Variants in C12orf76 observed in about 807,000 individuals in gnomAD.
C12orf76 encodes the protein uncharacterized protein C12orf76.
Under a neutral mutation model 6.8 loss-of-function variants are expected in C12orf76, and 6 were observed. The observed-to-expected ratio is 0.88, with a 90% CI of 0.48 to 1.73. The LOEUF (loss-of-function observed/expected upper bound fraction) is 1.73, where lower values mean the gene tolerates loss of function less well. Ranked by LOEUF, C12orf76 falls within the 40% of genes most tolerant of loss-of-function variation. The pLI is 0.01. For missense variants in C12orf76, 99 were observed against 98.2 expected (o/e 1.01, Z -0.03); for synonymous variants, 56 against 43.7 (o/e 1.28, Z -1.11).
At chr12:110,056,072 C>CAA (rs112482731) in intron 4 of C12orf76, among the ~76,000 whole-genome samples, 5 of 81,610 alleles carry the variant, frequency 6.1e-5, no homozygotes, top group Admixed American at 1.4e-4. Context: ...GACTCTATCT[C>CAA]AAAAAAAAAA....
At chr12:110,050,896 C>A (rs1160548438), upstream of C12orf76, 1 of 634,164 alleles carries the variant, frequency 1.6e-6, no homozygotes, top group Non-Finnish European at 2.9e-6. Flanking sequence ...TTTCCTGTAA[C>A]GTATTTCTGG....
At chr12:110,053,570 G>A (rs1892619943), upstream of C12orf76, among the ~76,000 whole-genome samples, 2 of 152,320 alleles carry the variant, frequency 1.3e-5, no homozygotes, top group African/African-American at 4.8e-5. Flanking sequence ...GGAGGCTCCT[G>A]AAAAGATAGC....
chr12:110,046,579 G>A (rs117145074), intron 1 of C12orf76, among the ~76,000 whole-genome samples: 1 of 152,328 alleles, frequency 6.6e-6, no homozygotes, highest in East Asian at 1.9e-4. Context: ...CCCTTCATCT[G>A]CAAAGCATTC....
chr12:110,057,737 G>C (rs1431797907), intron 3 of C12orf76, among the ~76,000 whole-genome samples: 1 of 151,884 alleles, frequency 6.6e-6, no homozygotes, highest in Non-Finnish European at 1.5e-5. Flanking sequence ...AGTCTAACAG[G>C]GTAAAAATCA....
At chr12:110,059,157 T>C (rs749708653) in exon 3 of C12orf76, 10 of 1,545,630 alleles carry the variant, frequency 6.5e-6, no homozygotes, top group African/African-American at 1.4e-5. Context: ...TTTTCAAATG[T>C]TCCTTGCTGG....
chr12:110,067,567 T>C, exon 1 of C12orf76: 1 of 985,558 alleles, frequency 1.0e-6, no homozygotes, highest in South Asian at 4.7e-5. Flanking sequence ...TGTGGTTCAG[T>C]AGGGCTCACA....
At chr12:110,064,142 G>A (rs191908907) in intron 2 of C12orf76, among the ~76,000 whole-genome samples, 43 of 152,284 alleles carry the variant, frequency 2.8e-4, no homozygotes, top group African/African-American at 9.9e-4. Flanking sequence ...TTAAGGCATG[G>A]GGTCCAGGGA....
chr12:110,050,961 A>G (rs1892564246), upstream of C12orf76: 1 of 728,078 alleles, frequency 1.4e-6, no homozygotes, highest in African/African-American at 1.7e-5. Flanking sequence ...ACCTTTGGGT[A>G]AGTGTTGGGG....
chr12:110,060,776 C>T (rs756425989), intron 2 of C12orf76, among the ~76,000 whole-genome samples: 63 of 152,130 alleles, frequency 4.1e-4, no homozygotes, highest in Non-Finnish European at 7.8e-4. Context: ...TGGTTCATGC[C>T]TGAAATCCCA....
upstream of C12orf76, among the ~76,000 whole-genome samples, chr12:110,068,855 C>T (rs1033346416): frequency 6.6e-6 from 1 of 152,200 alleles, no homozygotes; most frequent in African/African-American, 2.4e-5. Flanking sequence ...ACCAGTACTA[C>T]TTGGTGCAAA....
At chr12:110,073,593 C>T in exon 1 of C12orf76, 1 of 465,670 alleles carries the variant, frequency 2.1e-6, no homozygotes, top group African/African-American at 2.0e-5. Flanking sequence ...TCAACTCTCC[C>T]AGATGGGGCC....
At chr12:110,055,497 G>A (rs762113666) in intron 4 of C12orf76, among the ~76,000 whole-genome samples, 46 of 152,172 alleles carry the variant, frequency 3.0e-4, no homozygotes, top group Non-Finnish European at 5.4e-4. Flanking sequence ...GTGAGTCACC[G>A]TGCCTGGCAG....
In C12orf76 at chr12:110,042,736, G is replaced by T. The variant is rs909706261; in HGVS notation, c.134-277C>A. On this transcript the variant is annotated intron_variant, in intron 1 of 1. Coordinates refer to ENST00000615315, the MANE Select transcript of C12orf76 (RefSeq NM_001389625.1). ...GGGTGGGCAGCAAGAAGGGGGGACA[G>T]TCAGGAAGCATCCGAGGAGGAGACT... 379 of 624,500 alleles carry T rather than the reference G, an allele frequency of 6.1e-4. 1 individual carries two copies. In the African/African-American group the frequency reaches 6.3e-3, roughly 10 times the overall value. 38.7% of individuals were successfully genotyped at this position (624,500 alleles called of 1,614,324 possible).
intron 2 of C12orf76, among the ~76,000 whole-genome samples, chr12:110,065,291 C>T (rs1048398485): frequency 6.6e-6 from 1 of 151,842 alleles, no homozygotes; most frequent in African/African-American, 2.4e-5. Flanking sequence ...GTGCCTCAGC[C>T]TCCCGAGTAG....
chr12:110,068,336 C>A (rs1335590790), upstream of C12orf76, among the ~76,000 whole-genome samples: 2 of 132,800 alleles, frequency 1.5e-5, no homozygotes, highest in Non-Finnish European at 1.6e-5. Flanking sequence ...AAGAAGGCGG[C>A]CAAATAGAAG....
intron 2 of C12orf76, among the ~76,000 whole-genome samples, chr12:110,059,877 G>A (rs1453383869): frequency 6.6e-6 from 1 of 152,168 alleles, no homozygotes; most frequent in East Asian, 1.9e-4. Flanking sequence ...GAAAGTTACA[G>A]GGGGAAAGAT....
At chr12:110,068,304 G>GAAC (rs1892911856), upstream of C12orf76, among the ~76,000 whole-genome samples, 2 of 146,708 alleles carry the variant, frequency 1.4e-5, no homozygotes, top group Non-Finnish European at 3.1e-5. Flanking sequence ...AGAAGAAGAA[G>GAAC]AAGAAGAAGA....
At chr12:110,043,458 C>T (rs1234753806) in intron 1 of C12orf76, among the ~76,000 whole-genome samples, 1 of 152,026 alleles carries the variant, frequency 6.6e-6, no homozygotes, top group Non-Finnish European at 1.5e-5. Context: ...CCAACTATGC[C>T]TTTAAAGCCA....
At chr12:110,067,572 C>T in exon 1 of C12orf76, 2 of 985,540 alleles carry the variant, frequency 2.0e-6, no homozygotes, top group Non-Finnish European at 2.4e-6. Context: ...TTCAGTAGGG[C>T]TCACACTGCT....
Sources: allele counts gnomAD v4.1 joint callset (sites outside exome capture counted in the v4.1 genomes callset), GRCh38; gene constraint gnomAD v4.1.1; transcripts MANE v1.5; gene names NCBI Gene and HGNC (gene_info 2026-07-23, HGNC 2026-07-21).